Variants in MYL11 observed in about 807,000 individuals in gnomAD.
The protein encoded by MYL11 is myosin regulatory light chain 11.
At chr16:30,373,327 G>C in the MYL11 span, among the ~76,000 whole-genome samples, 1 of 152,162 alleles carries the variant, frequency 6.6e-6, no homozygotes, top group East Asian at 1.9e-4. Flanking sequence ...CGGGCACGGT[G>C]GCTCACGCCT....
At chr16:30,372,036 C>T in the MYL11 span, among the ~76,000 whole-genome samples, 1 of 152,170 alleles carries the variant, frequency 6.6e-6, no homozygotes, top group Admixed American at 6.5e-5. Flanking sequence ...CCCAACTCAG[C>T]CCCATGTCCT....
chr16:30,371,092 G>A, the MYL11 span: 1 of 152,254 alleles, frequency 6.6e-6, no homozygotes, highest in East Asian at 1.9e-4. Flanking sequence ...TCCCACTTTG[G>A]CCACAGGACA....
the MYL11 span, among the ~76,000 whole-genome samples, chr16:30,373,892 C>T: frequency 6.6e-6 from 1 of 152,164 alleles, no homozygotes; most frequent in Admixed American, 6.5e-5. Flanking sequence ...ACACACTTGA[C>T]TATGAACTCC....
At chr16:30,377,107 G>A in the MYL11 span, among the ~76,000 whole-genome samples, 1 of 152,094 alleles carries the variant, frequency 6.6e-6, no homozygotes, top group African/African-American at 2.4e-5. Flanking sequence ...CAGCTACTAG[G>A]GAGACTGGGA....
chr16:30,375,732 C>T, the MYL11 span: 6 of 1,112,776 alleles, frequency 5.4e-6, no homozygotes, highest in Non-Finnish European at 6.6e-6. Context: ...GGAACAGGGA[C>T]TCGAAGAATT....
chr16:30,373,387 A>G, the MYL11 span, among the ~76,000 whole-genome samples: 1 of 152,206 alleles, frequency 6.6e-6, no homozygotes, highest in South Asian at 2.1e-4. Context: ...CAAGGTCAGG[A>G]GATCGAGATC....
At chr16:30,377,976 T>G in the MYL11 span, 1 of 1,425,778 alleles carries the variant, frequency 7.0e-7, no homozygotes, top group African/African-American at 1.4e-5. Context: ...AAAATTTAAC[T>G]GATCTTTGTT....
At chr16:30,375,711 G>T in the MYL11 span, 2 of 891,284 alleles carry the variant, frequency 2.2e-6, no homozygotes, top group Non-Finnish European at 1.7e-6. Context: ...TCAGGCCAAA[G>T]GGCTGCTTTA....
the MYL11 span, chr16:30,376,746 G>C: frequency 6.4e-7 from 1 of 1,562,704 alleles, no homozygotes; most frequent in Non-Finnish European, 8.7e-7. Context: ...CACTCCACCA[G>C]CTGCTCCCAC....
chr16:30,377,846 C>G, the MYL11 span: 1 of 1,614,168 alleles, frequency 6.2e-7, no homozygotes, highest in Non-Finnish European at 8.5e-7. Flanking sequence ...GCAACGTCGA[C>G]TACAAAAACA....
At chr16:30,377,941 C>A in the MYL11 span, 2 of 1,553,030 alleles carry the variant, frequency 1.3e-6, no homozygotes, top group Non-Finnish European at 1.8e-6. Context: ...TTCTGTTCGG[C>A]CCGACCTCCA....
chr16:30,371,196 C>G, the MYL11 span, among the ~76,000 whole-genome samples: 8 of 152,310 alleles, frequency 5.3e-5, no homozygotes, highest in East Asian at 7.7e-4. Context: ...CGGTGACAAC[C>G]GGAGACAAGC....
At chr16:30,376,647 G>C in the MYL11 span, 1 of 1,614,112 alleles carries the variant, frequency 6.2e-7, no homozygotes, top group Middle Eastern at 1.7e-4. Flanking sequence ...GTGATCACCG[G>C]AGCCTTCAAG....
chr16:30,377,772 A>G, the MYL11 span: 1 of 1,611,520 alleles, frequency 6.2e-7, no homozygotes, highest in Non-Finnish European at 8.5e-7. Context: ...GGCCTGTGCG[A>G]GACGCCCCTA....
At chr16:30,371,380 A>G in the MYL11 span, among the ~76,000 whole-genome samples, 1 of 152,264 alleles carries the variant, frequency 6.6e-6, no homozygotes, top group African/African-American at 2.4e-5. Context: ...GCCCCACCAC[A>G]GATCCAGTGC....
the MYL11 span, chr16:30,375,734 C>G: frequency 2.3e-4 from 264 of 1,149,380 alleles, no homozygotes; most frequent in Non-Finnish European, 3.0e-4. Flanking sequence ...AACAGGGACT[C>G]GAAGAATTCT....
the MYL11 span, chr16:30,377,531 T>C: frequency 9.8e-7 from 1 of 1,016,070 alleles, no homozygotes; most frequent in Admixed American, 3.3e-5. Context: ...GGGAGGCCAA[T>C]GAAGGAAGTA....
the MYL11 span, chr16:30,375,855 C>T: frequency 3.7e-6 from 6 of 1,614,058 alleles, no homozygotes; most frequent in South Asian, 3.3e-5. Context: ...CAGTAGAGGG[C>T]GGAAGCTCCA....
At chr16:30,376,448 G>C in the MYL11 span, 1 of 1,614,066 alleles carries the variant, frequency 6.2e-7, no homozygotes, top group East Asian at 2.2e-5. Context: ...AGAATGAGGA[G>C]TTGGATGCCA....
Sources: gnomAD v4.1 joint callset for allele counts (sites outside exome capture counted in the v4.1 genomes callset) on GRCh38, gnomAD v4.1.1 for gene constraint, MANE v1.5 for transcripts, NCBI Gene and HGNC (gene_info 2026-07-23, HGNC 2026-07-21) for gene names.